Variants in PLEKHG7 observed in about 807,000 individuals in gnomAD.
The protein encoded by PLEKHG7 is pleckstrin homology and RhoGEF domain containing G7.
A neutral mutation model predicts 85.2 loss-of-function variants in PLEKHG7; 77 were observed. That is an observed-to-expected ratio of 0.90 (90% confidence interval 0.75 to 1.09). The LOEUF is 1.09. Ranked by LOEUF, PLEKHG7 falls within the 50% of genes least tolerant of loss-of-function variation. PLEKHG7 has a pLI of 0.00. For synonymous variants in PLEKHG7, 301 were observed against 302.4 expected, an observed-to-expected ratio of 1.00 and a Z score of 0.05; for missense variants, 777 against 804.3, an observed-to-expected ratio of 0.97 and a Z score of 0.41.
Position 92,729,033 on chromosome 12 carries a change from C to T in PLEKHG7, c.571C>T (p.Pro191Ser). Residue 191 changes from proline (P) to serine (S), a missense_variant, in exon 4 of 17, where the codon CCT becomes TCT. Physicochemically the swap from Pro to Ser is moderately conservative, Grantham distance 74. Transcript: ENST00000344636. ...HRRSSVVLNL[P>S]GLEVFPGDLL... ...GCGGAGTTCTGTGGTGCTGAACTTACCTGGACTTGAGGTGTTCCCCGGGGA... is the reference window on the plus strand; with the variant it reads ...GCGGAGTTCTGTGGTGCTGAACTTATCTGGACTTGAGGTGTTCCCCGGGGA... 2 of 1,231,830 alleles carry T rather than the reference C, an allele frequency of 1.6e-6. No individual in the cohort carries two copies. Among genetic ancestry groups the T allele is most frequent in the Non-Finnish European group, 2.0e-6 (2 of 987,824 alleles). 76.3% of individuals were successfully genotyped at this position (1,231,830 alleles called of 1,614,324 possible). A position where few individuals can be genotyped will look rare whatever the true frequency, so the allele number is the denominator to read the frequency against.
At chr12:92,767,615 G>A (rs1873243941) in intron 15 of PLEKHG7, among the ~76,000 whole-genome samples, 1 of 152,008 alleles carries the variant, frequency 6.6e-6, no homozygotes, top group African/African-American at 2.4e-5. Flanking sequence ...AGTAGAATTT[G>A]GGAATTATGA....
At chr12:92,720,822 A>G (rs1158814044) in intron 3 of PLEKHG7, among the ~76,000 whole-genome samples, 1 of 152,102 alleles carries the variant, frequency 6.6e-6, no homozygotes, top group Non-Finnish European at 1.5e-5. Flanking sequence ...AAACCATTAT[A>G]CCCCATTCTT....
chr12:92,764,741 ATTTCTT>A (rs1258249361), intron 15 of PLEKHG7, among the ~76,000 whole-genome samples: 1 of 152,106 alleles, frequency 6.6e-6, no homozygotes. Flanking sequence ...TTATTCAAGT[ATTTCTT>A]GAGTTATCTC....
At chr12:92,761,314 A>G (rs1471228989) in intron 13 of PLEKHG7, among the ~76,000 whole-genome samples, 1 of 152,156 alleles carries the variant, frequency 6.6e-6, no homozygotes, top group East Asian at 1.9e-4. Context: ...CCCTCGGCTG[A>G]GTTGAAGCCA....
At chr12:92,749,505 G>C (rs1872627273) in intron 10 of PLEKHG7, 1 of 152,102 alleles carries the variant, frequency 6.6e-6, no homozygotes, top group Non-Finnish European at 1.5e-5. Flanking sequence ...TGCCCAGCTT[G>C]TCTCAAACTC....
intron 9 of PLEKHG7, among the ~76,000 whole-genome samples, chr12:92,744,873 G>A (rs913201666): frequency 6.6e-6 from 1 of 152,036 alleles, no homozygotes; most frequent in Non-Finnish European, 1.5e-5. Context: ...TCAATGTGTT[G>A]CACAGGCTAG....
rs10601568 is a variant in PLEKHG7 at position 92,761,623 on chromosome 12, G to GAAGAAAGA, written c.1637-73_1637-66dup. 341 of 718,918 alleles carry GAAGAAAGA rather than the reference G, an allele frequency of 4.7e-4. 3 individuals carry two copies. The highest frequency in any genetic ancestry group is 1.9e-3 in the East Asian group (39 of 20,110). 44.5% of individuals were successfully genotyped at this position (718,918 alleles called of 1,614,324 possible). ...AAAGAAAGAAAAAGAAAGAAAGAAA[G>GAAGAAAGA]AAGAAAGAAAGAAAGAAAGAAAGAA... On this transcript the variant is annotated intron_variant, in intron 13 of 16. Coordinates refer to ENST00000344636, the MANE Select transcript of PLEKHG7 (RefSeq NM_001377329.1).
chr12:92,766,320 G>A (rs191965536), intron 15 of PLEKHG7, among the ~76,000 whole-genome samples: 5 of 152,238 alleles, frequency 3.3e-5, no homozygotes, highest in Admixed American at 2.0e-4. Context: ...ACAGTTATAC[G>A]CTATATAGTT....
At chr12:92,732,796 G>C (rs989659150) in intron 5 of PLEKHG7, among the ~76,000 whole-genome samples, 1 of 152,112 alleles carries the variant, frequency 6.6e-6, no homozygotes, top group Non-Finnish European at 1.5e-5. Context: ...CGGTCCCTGA[G>C]ACTTTACTGC....
chr12:92,728,468 A>G (rs1592677573), intron 3 of PLEKHG7, among the ~76,000 whole-genome samples: 1 of 151,232 alleles, frequency 6.6e-6, no homozygotes, highest in Non-Finnish European at 1.5e-5. Context: ...ATATAAATAT[A>G]TATACACACC....
intron 3 of PLEKHG7, among the ~76,000 whole-genome samples, chr12:92,716,553 A>C (rs1015276211): frequency 1.5e-4 from 23 of 152,158 alleles, no homozygotes; most frequent in African/African-American, 5.6e-4. Flanking sequence ...AAGTGAACTC[A>C]TACTCACTTC....
chr12:92,761,683 A>AAAGAAAG, intron 13 of PLEKHG7, 69 bp from the exon 14 acceptor site: 1 of 1,392,816 alleles, frequency 7.2e-7, no homozygotes, highest in Middle Eastern at 1.9e-4. Context: ...AGAAAGAAAG[A>AAAGAAAG]AAGGGAAAGA....
In PLEKHG7 at chr12:92,761,635, A is replaced by AAAGAAAGAAAGG. The variant is rs1873015812; in HGVS notation, c.1637-106_1637-105insGAAGAAAGAAAG. 6.5e-5 allele frequency: 19 copies of AAAGAAAGAAAGG among 293,018 alleles called. 1 individual carries two copies. Among genetic ancestry groups the AAAGAAAGAAAGG allele is most frequent in the African/African-American group, 1.1e-4 (2 of 19,028 alleles). The allele number at this position is 293,018 out of a possible 1,614,324, so 18.2% of individuals were successfully genotyped here. On this transcript the variant is annotated intron_variant, in intron 13 of 16. Transcript: ENST00000344636. ...AGAAAGAAAGAAAGAAGAAAGAAAG[A>AAAGAAAGAAAGG]AAGAAAGAAAGAAAGAAAGAAAGAA...
At chr12:92,750,027 A>ATTTTATT (rs1170350181) in intron 10 of PLEKHG7, among the ~76,000 whole-genome samples, 1 of 91,600 alleles carries the variant, frequency 1.1e-5, no homozygotes, top group Admixed American at 1.1e-4. Context: ...ATTTTATTTT[A>ATTTTATT]TTATTTTATT....
At chr12:92,735,631 G>T (rs1456632022) in intron 5 of PLEKHG7, among the ~76,000 whole-genome samples, 9 of 152,158 alleles carry the variant, frequency 5.9e-5, no homozygotes, top group Non-Finnish European at 1.3e-4. Context: ...TCCTGCTTTG[G>T]TTGGTAAAAT....
chr12:92,748,332 C>T lies in PLEKHG7; in HGVS notation c.1251+2741C>T, dbSNP rs371614237. On this transcript the variant is annotated intron_variant, in intron 10 of 16. Coordinates refer to ENST00000344636, the MANE Select transcript of PLEKHG7 (RefSeq NM_001377329.1). Reference sequence around the variant, plus strand: ...CACAATCTCAGCTCGCTGCAACCTCCGTCTCCCAGGTTCAAGCGATTCTTC... The same window carrying T: ...CACAATCTCAGCTCGCTGCAACCTCTGTCTCCCAGGTTCAAGCGATTCTTC... Among the ~76,000 whole-genome samples the T allele has an allele frequency of 2.2e-4, 33 of 151,326 alleles. 1 individual carries two copies. In the South Asian group the frequency reaches 5.8e-3, roughly 27 times the overall value.
At chr12:92,770,000 T>C (rs987006924) in intron 16 of PLEKHG7, 88 bp from the exon 17 acceptor site, 11 of 681,890 alleles carry the variant, frequency 1.6e-5, no homozygotes, top group Non-Finnish European at 2.2e-5. Context: ...TCAATAAATA[T>C]AGCAGAAAAT....
At chr12:92,714,056 C>A (rs1225292213) in intron 3 of PLEKHG7, among the ~76,000 whole-genome samples, 1 of 152,132 alleles carries the variant, frequency 6.6e-6, no homozygotes, top group Non-Finnish European at 1.5e-5. Flanking sequence ...AGTGTAGGAC[C>A]CCTCCTCATG....
chr12:92,733,564 C>T (rs1163019011), intron 5 of PLEKHG7, among the ~76,000 whole-genome samples: 2 of 152,258 alleles, frequency 1.3e-5, no homozygotes, highest in South Asian at 2.1e-4. Context: ...GTTTTTCTGA[C>T]AGATCTGAGA....
Sources: gnomAD v4.1 joint callset for allele counts (sites outside exome capture counted in the v4.1 genomes callset) on GRCh38, gnomAD v4.1.1 for gene constraint, MANE v1.5 for transcripts, NCBI Gene and HGNC (gene_info 2026-07-23, HGNC 2026-07-21) for gene names.